SH3BGRL2: variants seen among roughly 807,000 people sequenced by gnomAD.
SH3BGRL2 encodes the protein SH3 domain-binding glutamic acid-rich-like protein 2.
A neutral mutation model predicts 14.8 loss-of-function variants in SH3BGRL2; 21 were observed. The ratio of observed to expected loss-of-function variants is 1.42; its 90% CI spans 1.01 to 2.05. The LOEUF (loss-of-function observed/expected upper bound fraction) is 2.05, where lower values mean the gene tolerates loss of function less well. Among genes scored for constraint, SH3BGRL2 ranks in the 30% most tolerant of loss-of-function variants. SH3BGRL2 has a pLI of 0.00. For missense variants in SH3BGRL2, 147 were observed against 130.8 expected, an observed-to-expected ratio of 1.12 and a Z score of -0.61; for synonymous variants, 50 against 47.8, an observed-to-expected ratio of 1.05 and a Z score of -0.19.
At chr6:79,681,410 G>A (rs1479224308) in intron 2 of SH3BGRL2, among the ~76,000 whole-genome samples, 1 of 152,096 alleles carries the variant, frequency 6.6e-6, no homozygotes, top group Admixed American at 6.5e-5. Context: ...CTTTTTACTA[G>A]TTTTGTGAAG....
intron 1 of SH3BGRL2, among the ~76,000 whole-genome samples, chr6:79,673,411 A>T (rs1178035346): frequency 1.3e-5 from 2 of 152,106 alleles, no homozygotes; most frequent in African/African-American, 2.4e-5. Flanking sequence ...CCCATCTCAA[A>T]ATAGCAATAA....
chr6:79,654,894 T>C (rs1769373633), intron 1 of SH3BGRL2, among the ~76,000 whole-genome samples: 1 of 152,194 alleles, frequency 6.6e-6, no homozygotes, highest in African/African-American at 2.4e-5. Flanking sequence ...CTGAGAACAC[T>C]GTGGCAGTTC....
the SH3BGRL2 span, among the ~76,000 whole-genome samples, chr6:79,547,387 CAG>C: frequency 6.6e-6 from 1 of 152,110 alleles, no homozygotes; most frequent in Non-Finnish European, 1.5e-5. Flanking sequence ...CTCACAGTGA[CAG>C]AGGGGTGCTG....
At chr6:79,602,236 G>C in the SH3BGRL2 span, among the ~76,000 whole-genome samples, 1 of 152,140 alleles carries the variant, frequency 6.6e-6, no homozygotes, top group Non-Finnish European at 1.5e-5. Context: ...ATAGACCTTA[G>C]AGTCTACTGG....
At chr6:79,667,163 A>C (rs1011352364) in intron 1 of SH3BGRL2, among the ~76,000 whole-genome samples, 9 of 152,228 alleles carry the variant, frequency 5.9e-5, no homozygotes, top group Non-Finnish European at 1.2e-4. Flanking sequence ...TAGGTTCAGA[A>C]GGACTCTGAC....
chr6:79,586,389 A>G, the SH3BGRL2 span, among the ~76,000 whole-genome samples: 1 of 151,968 alleles, frequency 6.6e-6, no homozygotes, highest in Non-Finnish European at 1.5e-5. Context: ...CAGAATCACC[A>G]TTTATTTTGA....
At chr6:79,631,543 C>T in intron 1 of SH3BGRL2, 37 bp downstream of exon 1, 2 of 1,373,408 alleles carry the variant, frequency 1.5e-6, no homozygotes, top group Non-Finnish European at 1.9e-6. Flanking sequence ...GTTGGGGTCG[C>T]GGGGCGCGGG....
At chr6:79,687,065 G>A (rs1234086922) in intron 2 of SH3BGRL2, among the ~76,000 whole-genome samples, 1 of 152,150 alleles carries the variant, frequency 6.6e-6, no homozygotes, top group African/African-American at 2.4e-5. Context: ...TGTTTGGAGA[G>A]CACTTCTCTG....
At chr6:79,648,385 C>T (rs34895366) in intron 1 of SH3BGRL2, among the ~76,000 whole-genome samples, 48,269 of 144,542 alleles carry the variant, frequency 0.33, 8,358 homozygotes, top group South Asian at 0.45. Flanking sequence ...TCTCAATTTC[C>T]CATCCCTTTC....
intron 3 of SH3BGRL2, among the ~76,000 whole-genome samples, chr6:79,697,561 A>G (rs1318497726): frequency 6.6e-6 from 1 of 152,214 alleles, no homozygotes; most frequent in Non-Finnish European, 1.5e-5. Context: ...ATAGACCAGC[A>G]TCTGCAGTGC....
chr6:79,658,377 G>C (rs1769467273), intron 1 of SH3BGRL2, among the ~76,000 whole-genome samples: 1 of 152,128 alleles, frequency 6.6e-6, no homozygotes, highest in Admixed American at 6.5e-5. Context: ...CCACCTATGA[G>C]TGAGAACATG....
At chr6:79,588,657 C>T in the SH3BGRL2 span, among the ~76,000 whole-genome samples, 1 of 152,130 alleles carries the variant, frequency 6.6e-6, no homozygotes, top group Non-Finnish European at 1.5e-5. Context: ...ATAAAAGTAT[C>T]AATCATATGT....
chr6:79,551,099 T>C, the SH3BGRL2 span, among the ~76,000 whole-genome samples: 1 of 152,136 alleles, frequency 6.6e-6, no homozygotes, highest in Non-Finnish European at 1.5e-5. Flanking sequence ...GGATCCCAGG[T>C]GAAGGCCACT....
chr6:79,601,986 C>T, the SH3BGRL2 span, among the ~76,000 whole-genome samples: 1 of 152,072 alleles, frequency 6.6e-6, no homozygotes, highest in Admixed American at 6.6e-5. Flanking sequence ...CATTGAGCAA[C>T]AGCTTTAGCT....
At chr6:79,625,966 A>T in the SH3BGRL2 span, among the ~76,000 whole-genome samples, 1 of 152,190 alleles carries the variant, frequency 6.6e-6, no homozygotes, top group Non-Finnish European at 1.5e-5. Flanking sequence ...CTTTTGAAGG[A>T]GCAACCACTT....
chr6:79,693,351 C>A (rs1291449431), intron 2 of SH3BGRL2, among the ~76,000 whole-genome samples: 4 of 151,630 alleles, frequency 2.6e-5, no homozygotes, highest in Non-Finnish European at 5.9e-5. Flanking sequence ...CCCTTTATTT[C>A]TTTCTCCTGC....
intron 1 of SH3BGRL2, among the ~76,000 whole-genome samples, chr6:79,640,915 A>G (rs1769019646): frequency 6.6e-6 from 1 of 152,172 alleles, no homozygotes; most frequent in South Asian, 2.1e-4. Context: ...CTTGATTGAC[A>G]GGTCAGTTCA....
the SH3BGRL2 span, chr6:79,553,045 A>G: frequency 6.6e-6 from 1 of 152,362 alleles, no homozygotes; most frequent in South Asian, 2.1e-4. Flanking sequence ...AAAGGAGTCC[A>G]TCTCCCAAAG....
chr6:79,587,216 C>A, the SH3BGRL2 span, among the ~76,000 whole-genome samples: 1 of 151,968 alleles, frequency 6.6e-6, no homozygotes, highest in Middle Eastern at 3.4e-3. Flanking sequence ...TATATTTTTC[C>A]AAAACTTGGA....
Sources: gnomAD v4.1 joint callset for allele counts (sites outside exome capture counted in the v4.1 genomes callset) on GRCh38, gnomAD v4.1.1 for gene constraint, MANE v1.5 for transcripts, NCBI Gene and HGNC (gene_info 2026-07-23, HGNC 2026-07-21) for gene names.